EXOC7: variants seen among roughly 807,000 people sequenced by gnomAD.
EXOC7 encodes exocyst complex component 7.
In EXOC7, 51 loss-of-function variants were observed where a neutral mutation model predicts 87.6. The ratio of observed to expected loss-of-function variants is 0.58; its 90% CI spans 0.46 to 0.73. EXOC7 has a LOEUF of 0.73. EXOC7 is among the 30% of genes least tolerant of loss of function. The pLI, the probability that EXOC7 is intolerant of heterozygous loss-of-function variation, is 0.00. For missense variants in EXOC7, 744 were observed against 888.4 expected (o/e 0.84, Z 2.07); for synonymous variants, 327 against 357.1 (o/e 0.92, Z 0.95).
intron 12 of EXOC7, chr17:76,086,925 A>G (rs990272422): frequency 6.5e-6 from 10 of 1,543,828 alleles, no homozygotes; most frequent in Non-Finnish European, 8.8e-6. Context: ...CACAGAGGGG[A>G]CAGAGGGAGA....
At position 76,088,815 on chromosome 17, in the gene EXOC7, G is replaced by A. The variant is rs1251864720; in HGVS notation, c.1156C>T (p.Arg386Ter). The A allele has an allele frequency of 2.2e-5, 35 of 1,613,766 alleles. No individual in the cohort carries two copies. The highest frequency in any genetic ancestry group is 3.0e-5 in the Non-Finnish European group (35 of 1,180,042). Residue 386 changes from arginine to a stop codon, truncating the protein, a stop_gained, in exon 9 of 19, where the codon CGA (arginine) becomes TGA (stop). Coordinates refer to ENST00000589210, the MANE Select transcript of EXOC7 (RefSeq NM_001013839.4). LOFTEE classifies it high-confidence loss of function. ...TCAGGCTTGGTCTGCTTGAGGTGTCGCAGGATGGGGAAGACGGTGAGCACC... is the reference window on the plus strand; with the variant it reads ...TCAGGCTTGGTCTGCTTGAGGTGTCACAGGATGGGGAAGACGGTGAGCACC... The part of the protein sequence containing the change: ...STVLTVFPIL[R>*]HLKQTKPEFD...
chr17:76,099,356 A>ATCG (rs2067943107), intron 4 of EXOC7, among the ~76,000 whole-genome samples: 1 of 152,038 alleles, frequency 6.6e-6, no homozygotes, highest in Admixed American at 6.6e-5. Flanking sequence ...AAATACAAAA[A>ATCG]ATTAGCTCGG....
rs2067479933 is a variant in EXOC7 at position 76,091,532 on chromosome 17, A to T, written c.809-297T>A. On this transcript the variant is annotated intron_variant, in intron 6 of 18. Transcript: ENST00000589210. ...AGATCCACCAGGAGAAGTCAAAAAT[A>T]TGGAGTGGCATCATAATCAGAACAG... The T allele has an allele frequency of 8.6e-6, 3 of 347,958 alleles. No individual in the cohort carries two copies. The South Asian group carries it at 1.0e-4, about 12-fold the overall frequency. 21.6% of individuals were successfully genotyped at this position (347,958 alleles called of 1,614,324 possible).
In EXOC7 at chr17:76,089,309, T is replaced by C. The variant is rs2067367125; in HGVS notation, c.913A>G (p.Met305Val). ...TAGGCATCGGTCTCCACGTCCAGCA[T>C]GTCATCTCTCCCTGGGGGATGGCAC... ...NLIPLEGRDDMLDVETDAYIH... is the reference protein window; with the variant it reads ...NLIPLEGRDDVLDVETDAYIH... Residue 305 changes from methionine to valine, a missense_variant, in exon 8 of 19, where the codon ATG (methionine) becomes GTG (valine). Transcript: ENST00000589210. The C allele has an allele frequency of 1.2e-6, 2 of 1,613,988 alleles. No homozygotes were observed. Among genetic ancestry groups the C allele is most frequent in the Non-Finnish European group, 1.7e-6 (2 of 1,179,962 alleles).
intron 11 of EXOC7, 158 bp downstream of exon 11, chr17:76,087,902 A>G: frequency 1.0e-6 from 1 of 958,672 alleles, no homozygotes; most frequent in Non-Finnish European, 1.6e-6. Flanking sequence ...AGAGACACTA[A>G]ACATGTCACT....
At chr17:76,087,933 C>G in intron 11 of EXOC7, 127 bp downstream of exon 11, 1 of 1,116,602 alleles carries the variant, frequency 9.0e-7, no homozygotes, top group East Asian at 2.4e-5. Flanking sequence ...CCACCCAGGA[C>G]TGCTCACAAA....
chr17:76,089,301 G>A lies in EXOC7; in HGVS notation c.921C>T (p.Asp307=), dbSNP rs200326766. The change falls in exon 8 of 19, where the codon GAC becomes GAT. Residue 307 remains aspartate (D), a synonymous_variant. Coordinates refer to ENST00000589210, the MANE Select transcript of EXOC7 (RefSeq NM_001013839.4). The stretch of plus-strand genomic sequence containing the variant: ...AGTGGATGTAGGCATCGGTCTCCAC[G>A]TCCAGCATGTCATCTCTCCCTGGGG... ...IPLEGRDDML[D]VETDAYIHCV... The A allele has an allele frequency of 5.5e-5, 89 of 1,613,962 alleles. No individual in the cohort carries two copies. In the Admixed American group the frequency reaches 6.0e-4, roughly 11 times the overall value.
Position 76,082,083 on chromosome 17 carries a change from T to C in EXOC7, c.*1565A>G. The C allele has an allele frequency of 6.4e-7, 1 of 1,566,188 alleles. No individual in the cohort carries two copies. ...GGGCTGGGGGGTAAGGAATGAGGCC[T>C]AGGTGCACACCTAGGGCTGGGGTGA... On this transcript the variant is annotated 3_prime_UTR_variant, in exon 19 of 19. Transcript: ENST00000589210.
chr17:76,081,960 G>C lies in EXOC7; in HGVS notation c.*1688C>G. The C allele has an allele frequency of 6.2e-7, 1 of 1,612,834 alleles. No homozygotes were observed. The highest frequency in any genetic ancestry group is 8.5e-7 in the Non-Finnish European group (1 of 1,179,834). On this transcript the variant is annotated 3_prime_UTR_variant, in exon 19 of 19. Transcript: ENST00000589210. ...GTGCTGCTGGCTGGGCTGCTGGCCCGGGGCAACCTTGGGGCCAAGAGCGGC... is the reference window on the plus strand; with the variant it reads ...GTGCTGCTGGCTGGGCTGCTGGCCCCGGGCAACCTTGGGGCCAAGAGCGGC...
chr17:76,085,000 T>G, intron 15 of EXOC7: 1 of 468,014 alleles, frequency 2.1e-6, no homozygotes, highest in South Asian at 2.6e-5. Context: ...CACGTTCAAG[T>G]GCTCTCGCGA....
At chr17:76,098,241 A>G (rs2067878791) in intron 4 of EXOC7, among the ~76,000 whole-genome samples, 1 of 151,884 alleles carries the variant, frequency 6.6e-6, no homozygotes, top group African/African-American at 2.4e-5. Context: ...GGTTCAAGCA[A>G]TTCTCCTGCC....
chr17:76,097,796 C>G lies in EXOC7; in HGVS notation c.640G>C (p.Asp214His). The change falls in exon 5 of 19, where the codon GAT becomes CAT. Residue 214 changes from aspartate (D) to histidine (H), a missense_variant and splice_region_variant. Around this residue, in one of 3 missense-constraint regions of EXOC7, gnomAD observed 512 missense variants for 573.0 expected, o/e 0.89. Transcript: ENST00000589210. Reference protein sequence around the residue: ...RWLVEYGRNQDFMNVYYQIRS... With the variant: ...RWLVEYGRNQHFMNVYYQIRS... ...ATGTGGCCAAGCCAGAATCCCTTACCTTGGTTGCGGCCATATTCCACCAGC... is the reference window on the plus strand; with the variant it reads ...ATGTGGCCAAGCCAGAATCCCTTACGTTGGTTGCGGCCATATTCCACCAGC... 6.2e-7 allele frequency: 1 copy of G among 1,606,680 alleles called. No individual in the cohort carries two copies. Among genetic ancestry groups the G allele is most frequent in the Non-Finnish European group, 8.5e-7 (1 of 1,175,438 alleles).
chr17:76,081,990 GC>G lies in EXOC7; in HGVS notation c.*1657del. 1.2e-6 allele frequency: 2 copies of G among 1,611,770 alleles called. No individual in the cohort carries two copies. Among genetic ancestry groups the G allele is most frequent in the Non-Finnish European group, 1.7e-6 (2 of 1,179,524 alleles). On this transcript the variant is annotated 3_prime_UTR_variant, in exon 19 of 19. Coordinates refer to ENST00000589210, the MANE Select transcript of EXOC7 (RefSeq NM_001013839.4). ...AACCTTGGGGCCAAGAGCGGCCCCA[GC>G]CCAGCCCCGAGAGGGGAACAGCGAG...
chr17:76,095,851 T>C (rs1321123115), intron 5 of EXOC7, among the ~76,000 whole-genome samples: 1 of 152,152 alleles, frequency 6.6e-6, no homozygotes, highest in Non-Finnish European at 1.5e-5. Flanking sequence ...TTTGGTACCA[T>C]TCATCAATGC....
chr17:76,093,790 AACAG>A (rs1341161201), intron 6 of EXOC7: 2 of 152,438 alleles, frequency 1.3e-5, no homozygotes, highest in Admixed American at 1.3e-4. Context: ...GGGGAGAAAG[AACAG>A]ACAGATGACG....
intron 5 of EXOC7, among the ~76,000 whole-genome samples, chr17:76,095,887 C>A (rs2067723869): frequency 6.6e-6 from 1 of 152,212 alleles, no homozygotes; most frequent in South Asian, 2.1e-4. Context: ...GCTCCTTGCA[C>A]ACATGACTGA....
Position 76,101,759 on chromosome 17 carries a change from A to G in EXOC7, c.231T>C (p.Val77=). 1 of 1,614,040 alleles carries G rather than the reference A, an allele frequency of 6.2e-7. No homozygotes were observed. The highest frequency in any genetic ancestry group is 1.1e-5 in the South Asian group (1 of 91,078). ...TENLQRLQEN[V]EKTLSCLDHV... ...GGTCCAGGCAGGACAGCGTCTTCTCAACATTCTCCTGCAGCCGCTGCAGAT... is the reference window on the plus strand; with the variant it reads ...GGTCCAGGCAGGACAGCGTCTTCTCGACATTCTCCTGCAGCCGCTGCAGAT... The change falls in exon 3 of 19, where the codon GTT becomes GTC. Residue 77 remains valine, a synonymous_variant. Transcript: ENST00000589210.
In EXOC7 at chr17:76,094,466, A is replaced by G. The variant is rs1444112605; in HGVS notation, c.756T>C (p.Ala252=). ...GTGTGTCTTTCCTCTTGTTGGGGATAGCAGGGGAGTAGGGAACCCCAGAGG... is the reference window on the plus strand; with the variant it reads ...GTGTGTCTTTCCTCTTGTTGGGGATGGCAGGGGAGTAGGGAACCCCAGAGG... ...SSSSGVPYSP[A]IPNKRKDTPT... The change falls in exon 6 of 19, where the codon GCT becomes GCC. Residue 252 remains alanine, a synonymous_variant. Transcript: ENST00000589210. 1 of 1,613,988 alleles carries G rather than the reference A, an allele frequency of 6.2e-7. No homozygotes were observed. The highest frequency in any genetic ancestry group is 8.5e-7 in the Non-Finnish European group (1 of 1,180,002).
chr17:76,088,264 G>T (rs955730746), intron 10 of EXOC7, 142 bp from the exon 11 acceptor site: 23 of 1,001,622 alleles, frequency 2.3e-5, no homozygotes, highest in Non-Finnish European at 3.2e-5. Context: ...CTGGACCAAG[G>T]GGGAGAGGCC....
Sources: gnomAD v4.1 joint callset for allele counts (sites outside exome capture counted in the v4.1 genomes callset) on GRCh38, gnomAD v4.1.1 for gene constraint, gnomAD v4.1.1 regional missense constraint, MANE v1.5 for transcripts, NCBI Gene and HGNC (gene_info 2026-07-23, HGNC 2026-07-21) for gene names.